Variants in TMEM269 observed in about 807,000 individuals in gnomAD.
TMEM269 encodes transmembrane protein 269.
A neutral mutation model predicts 15.8 loss-of-function variants in TMEM269; 12 were observed. That is an observed-to-expected ratio of 0.76 (90% confidence interval 0.49 to 1.23). TMEM269 has a LOEUF of 1.23. TMEM269 is among the 50% of genes most tolerant of loss of function. TMEM269 has a pLI of 0.00. For missense variants in TMEM269, 211 were observed against 245.4 expected, an observed-to-expected ratio of 0.86 and a Z score of 0.94; for synonymous variants, 93 against 99.3, an observed-to-expected ratio of 0.94 and a Z score of 0.38.
At chr1:42,792,753 G>A in intron 2 of TMEM269, 52 bp from the exon 3 acceptor site, 1 of 1,150,596 alleles carries the variant, frequency 8.7e-7, no homozygotes, top group Non-Finnish European at 1.3e-6. Flanking sequence ...AGAGTCTCCA[G>A]TGGAAACTGC....
intron 5 of TMEM269, among the ~76,000 whole-genome samples, chr1:42,795,549 T>C (rs1653776415): frequency 6.6e-6 from 1 of 152,052 alleles, no homozygotes; most frequent in Non-Finnish European, 1.5e-5. Flanking sequence ...GAGAAGTGAA[T>C]GGATTTGAGA....
At chr1:42,785,290 G>A (rs1236340056) in intron 1 of TMEM269, among the ~76,000 whole-genome samples, 1 of 152,216 alleles carries the variant, frequency 6.6e-6, no homozygotes, top group Non-Finnish European at 1.5e-5. Flanking sequence ...AAAGGAGCGG[G>A]GGCTGGGAGG....
Position 42,788,388 on chromosome 1 carries a change from C to T in TMEM269, c.-98-1408C>T, listed in dbSNP as rs972401192. ...TCTATTTGTGGCTGGTACATTTGCC[C>T]CAACCAGCGGGGCTTCTCAGTTTTG... is the stretch of plus-strand genomic sequence containing the variant. On this transcript the variant is annotated intron_variant, in intron 1 of 5. Transcript: ENST00000637012. This position sits in a 1 kb window ranked among gnomAD's most constrained non-coding sequence, Gnocchi z 4.0. Among the ~76,000 whole-genome samples the T allele has an allele frequency of 1.3e-5, 2 of 152,138 alleles. No homozygotes were observed. Among genetic ancestry groups the T allele is most frequent in the South Asian group, 4.1e-4 (2 of 4,828 alleles).
At chr1:42,789,418 G>T in intron 1 of TMEM269, 1 of 1,535,090 alleles carries the variant, frequency 6.5e-7, no homozygotes, top group Non-Finnish European at 8.7e-7. Flanking sequence ...TCAGTGACAA[G>T]GGCCCACCTC....
chr1:42,787,371 C>T (rs551070549), intron 1 of TMEM269, among the ~76,000 whole-genome samples: 3 of 151,712 alleles, frequency 2.0e-5, no homozygotes, highest in East Asian at 2.0e-4. Context: ...GAGGCCGAGG[C>T]GGGTGGATCA....
intron 2 of TMEM269, among the ~76,000 whole-genome samples, chr1:42,791,434 T>C (rs1409070755): frequency 6.6e-6 from 1 of 152,130 alleles, no homozygotes; most frequent in Non-Finnish European, 1.5e-5. Context: ...TCCTGAAATA[T>C]ATGGAGATTA....
chr1:42,796,886 T>C (rs1471487131), intron 5 of TMEM269: 2 of 152,158 alleles, frequency 1.3e-5, no homozygotes, highest in South Asian at 4.1e-4. Context: ...ATGGTGATCA[T>C]TCCCATGGAA....
chr1:42,792,024 T>C (rs1194912174), intron 2 of TMEM269, among the ~76,000 whole-genome samples: 2 of 151,630 alleles, frequency 1.3e-5, no homozygotes, highest in Non-Finnish European at 2.9e-5. Context: ...AAAATTAGAG[T>C]GGCAATCAGA....
In TMEM269 at chr1:42,792,966, C is replaced by T. The variant is rs1019848018; in HGVS notation, c.139+64C>T. 50 of 1,279,424 alleles carry T rather than the reference C, an allele frequency of 3.9e-5. No individual in the cohort carries two copies. In the East Asian group the frequency reaches 9.3e-4, roughly 24 times the overall value. The allele number at this position is 1,279,424 out of a possible 1,614,324, so 79.3% of individuals were successfully genotyped here. On this transcript the variant is annotated intron_variant, in intron 3 of 5. Coordinates refer to ENST00000637012, the MANE Select transcript of TMEM269 (RefSeq NM_001354602.2). ...TAGCATCCATCTGGGGTCACCCCTT[C>T]GTCCATCCTCTAACATCCCGCAGGC...
chr1:42,787,531 C>T (rs373287247), intron 1 of TMEM269, among the ~76,000 whole-genome samples: 3 of 134,058 alleles, frequency 2.2e-5, no homozygotes, highest in Non-Finnish European at 4.6e-5. Flanking sequence ...ACCCGGGAAG[C>T]GGAGCTTGCA....
chr1:42,792,647 AGT>A (rs1215818883), intron 2 of TMEM269, among the ~76,000 whole-genome samples, 156 bp from the exon 3 acceptor site: 1 of 151,924 alleles, frequency 6.6e-6, no homozygotes, highest in African/African-American at 2.4e-5. Flanking sequence ...AAGGGATGTG[AGT>A]GTGGGGGACA....
intron 1 of TMEM269, chr1:42,789,491 C>T: frequency 6.5e-7 from 1 of 1,535,430 alleles, no homozygotes; most frequent in Middle Eastern, 1.7e-4. Context: ...GGAGAGTCAG[C>T]ATATGGACTG....
At chr1:42,786,626 C>T (rs1031614169) in intron 1 of TMEM269, among the ~76,000 whole-genome samples, 6 of 152,222 alleles carry the variant, frequency 3.9e-5, no homozygotes, top group African/African-American at 1.2e-4. Context: ...CCTCAGCCCT[C>T]GCCCCTCCTG....
In TMEM269 at chr1:42,798,296, G is replaced by C; in HGVS notation, c.*71G>C. ...TGTGTCAGCATATTGGGTCAAGCCTGCACTAAAGCTTTGTATGTACCTGTG... is the reference window on the plus strand; with the variant it reads ...TGTGTCAGCATATTGGGTCAAGCCTCCACTAAAGCTTTGTATGTACCTGTG... On this transcript the variant is annotated 3_prime_UTR_variant, in exon 6 of 6. Coordinates refer to ENST00000637012, the MANE Select transcript of TMEM269 (RefSeq NM_001354602.2). 2.0e-6 allele frequency: 3 copies of C among 1,526,678 alleles called. No homozygotes were observed. Among genetic ancestry groups the C allele is most frequent in the Non-Finnish European group, 2.6e-6 (3 of 1,139,724 alleles). 94.6% of individuals were successfully genotyped at this position (1,526,678 alleles called of 1,614,324 possible).
chr1:42,794,088 T>G (rs1426548809), intron 4 of TMEM269, among the ~76,000 whole-genome samples: 1 of 152,124 alleles, frequency 6.6e-6, no homozygotes, highest in African/African-American at 2.4e-5. Flanking sequence ...TGAGGGAAAT[T>G]GTCTTGCCTA....
At position 42,798,238 on chromosome 1, in the gene TMEM269, G is replaced by A. The variant is rs1200192809; in HGVS notation, c.*13G>A. ...GCCACAGCACTGAGGAAGCTAAGCA[G>A]CTCTACCAGCTCCTGCCGGCCTCTG... On this transcript the variant is annotated 3_prime_UTR_variant, in exon 6 of 6. Coordinates refer to ENST00000637012, the MANE Select transcript of TMEM269 (RefSeq NM_001354602.2). 4 of 1,543,410 alleles carry A rather than the reference G, an allele frequency of 2.6e-6. No individual in the cohort carries two copies. The African/African-American group carries it at 5.5e-5, about 21-fold the overall frequency.
intron 2 of TMEM269, among the ~76,000 whole-genome samples, chr1:42,791,601 GC>G (rs1653686778): frequency 6.6e-6 from 1 of 151,940 alleles, no homozygotes; most frequent in Non-Finnish European, 1.5e-5. Context: ...TGCATTGAAT[GC>G]ATATAGTCAA....
chr1:42,786,146 G>C (rs771954731), intron 1 of TMEM269, among the ~76,000 whole-genome samples: 16 of 152,226 alleles, frequency 1.1e-4, no homozygotes, highest in Non-Finnish European at 2.2e-4. Context: ...GGCCACACTG[G>C]GCAGGGTTAG....
chr1:42,798,369 A>C lies in TMEM269; in HGVS notation c.*144A>C. On this transcript the variant is annotated 3_prime_UTR_variant, in exon 6 of 6. Coordinates refer to ENST00000637012, the MANE Select transcript of TMEM269 (RefSeq NM_001354602.2). ...TATGTCTGTTGCCATGAAGTTAGAA[A>C]CCCAAAGCAGGGTCAGTGAACTTCA... 2 of 1,095,956 alleles carry C rather than the reference A, an allele frequency of 1.8e-6. No individual in the cohort carries two copies. Among genetic ancestry groups the C allele is most frequent in the Non-Finnish European group, 1.3e-6 (1 of 789,432 alleles). The allele number at this position is 1,095,956 out of a possible 1,614,324, so 67.9% of individuals were successfully genotyped here.
Sources: gnomAD v4.1 joint callset for allele counts (sites outside exome capture counted in the v4.1 genomes callset) on GRCh38, gnomAD v4.1.1 for gene constraint, Gnocchi (gnomAD v3.1) non-coding constraint, MANE v1.5 for transcripts, NCBI Gene and HGNC (gene_info 2026-07-23, HGNC 2026-07-21) for gene names.